Variants in FAM53B observed in about 807,000 individuals in gnomAD.
The protein encoded by FAM53B is family with sequence similarity 53 member B, also known as protein FAM53B.
In FAM53B, 12 loss-of-function variants were observed where a neutral mutation model predicts 32.7. The ratio of observed to expected loss-of-function variants is 0.37; its 90% CI spans 0.24 to 0.59. FAM53B has a LOEUF of 0.59. FAM53B is among the 20% of genes least tolerant of loss of function. The pLI, the probability that FAM53B is intolerant of heterozygous loss-of-function variation, is 0.72. For synonymous variants in FAM53B, 234 were observed against 228.7 expected, an observed-to-expected ratio of 1.02 and a Z score of -0.21; for missense variants, 477 against 577.7, an observed-to-expected ratio of 0.83 and a Z score of 1.79.
At chr10:124,685,539 C>A (rs1435885701) in intron 3 of FAM53B, among the ~76,000 whole-genome samples, 1 of 152,258 alleles carries the variant, frequency 6.6e-6, no homozygotes, top group African/African-American at 2.4e-5. Context: ...GGGCTTGGCA[C>A]AGAGCAGCGA....
At chr10:124,678,831 CCA>C (rs1395925826) in intron 4 of FAM53B, among the ~76,000 whole-genome samples, 2 of 152,288 alleles carry the variant, frequency 1.3e-5, no homozygotes, top group African/African-American at 4.8e-5. Flanking sequence ...CTCCAGCTAA[CCA>C]CAGTCTATCT....
rs1286807928 is a variant in FAM53B at position 124,681,597 on chromosome 10, G to C, written c.906+10C>G. On this transcript the variant is annotated intron_variant, in intron 4 of 4. Coordinates refer to ENST00000337318, the MANE Select transcript of FAM53B (RefSeq NM_014661.4). ...GCACCAAGGTGACTCCAGGCTGCTGGGGCTCTTACCTGTGCCATCTTGGCA... is the reference window on the plus strand; with the variant it reads ...GCACCAAGGTGACTCCAGGCTGCTGCGGCTCTTACCTGTGCCATCTTGGCA... 1 of 1,572,354 alleles carries C rather than the reference G, an allele frequency of 6.4e-7. No individual in the cohort carries two copies. The highest frequency in any genetic ancestry group is 8.7e-7 in the Non-Finnish European group (1 of 1,154,780).
At chr10:124,669,926 TTACA>T in intron 4 of FAM53B, among the ~76,000 whole-genome samples, 1 of 6,752 alleles carries the variant, frequency 1.5e-4, no homozygotes, top group Non-Finnish European at 7.8e-4. Context: ...TGGGTGAGGA[TTACA>T]GGGTGGGTGA....
intron 1 of FAM53B, among the ~76,000 whole-genome samples, chr10:124,737,071 CCT>C (rs1425947113): frequency 1.3e-5 from 2 of 152,194 alleles, no homozygotes; most frequent in Non-Finnish European, 2.9e-5. Flanking sequence ...CGGGCTAGTC[CCT>C]GAGCCACAGG....
chr10:124,699,466 G>A (rs751075647), intron 2 of FAM53B, among the ~76,000 whole-genome samples: 1 of 152,206 alleles, frequency 6.6e-6, no homozygotes, highest in African/African-American at 2.4e-5. Context: ...TCCTCATGCC[G>A]GTCTCCAACA....
At position 124,621,416 on chromosome 10, in the gene FAM53B, C is replaced by T. The variant is rs1949309916; in HGVS notation, c.*1826G>A. 6.6e-6 allele frequency: 1 copy of T among 152,264 alleles called. No homozygotes were observed. Among genetic ancestry groups the T allele is most frequent in the African/African-American group, 2.4e-5 (1 of 41,470 alleles). 9.4% of individuals were successfully genotyped at this position (152,264 alleles called of 1,614,324 possible). A position where few individuals can be genotyped will look rare whatever the true frequency, so the allele number is the denominator to read the frequency against. On this transcript the variant is annotated 3_prime_UTR_variant, in exon 5 of 5. Transcript: ENST00000337318. ...GCTCTTGGGTTCGGCTGTCCGGGAT[C>T]ACAAGTAGACATGCCTCCGGCAGGA...
chr10:124,698,924 C>T (rs944147066), intron 2 of FAM53B, among the ~76,000 whole-genome samples: 1 of 152,224 alleles, frequency 6.6e-6, no homozygotes, highest in African/African-American at 2.4e-5. Context: ...ACCTGAGTAC[C>T]CCCAACCTTG....
rs1949554664 is a variant in FAM53B, at chr10:124,651,393, G to C, written c.907-27789C>G. Among the ~76,000 whole-genome samples, 1 of 152,222 alleles carries C rather than the reference G, an allele frequency of 6.6e-6. No homozygotes were observed. Among genetic ancestry groups the C allele is most frequent in the Non-Finnish European group, 1.5e-5 (1 of 68,036 alleles). ...CCTGGCATCCTCCTGAGCCTGCTCTGCTCTGTCCTCCCAGCTACACAGGAC... is the reference window on the plus strand; with the variant it reads ...CCTGGCATCCTCCTGAGCCTGCTCTCCTCTGTCCTCCCAGCTACACAGGAC... On this transcript the variant is annotated intron_variant, in intron 4 of 4. Transcript: ENST00000337318. The surrounding 1 kb of genome is among the most constrained non-coding windows in gnomAD (Gnocchi z 5.2).
At chr10:124,653,378 T>A (rs1321885035) in intron 4 of FAM53B, among the ~76,000 whole-genome samples, 1 of 152,188 alleles carries the variant, frequency 6.6e-6, no homozygotes. Context: ...CCAGAAGGGC[T>A]CTGGCGTGGG....
At chr10:124,678,441 G>T (rs1779259586) in intron 4 of FAM53B, among the ~76,000 whole-genome samples, 1 of 152,208 alleles carries the variant, frequency 6.6e-6, no homozygotes, top group South Asian at 2.1e-4. Flanking sequence ...TGTGGCGGTG[G>T]TGGCATCTGC....
chr10:124,693,755 C>T (rs1032492771), intron 3 of FAM53B, among the ~76,000 whole-genome samples: 4 of 152,164 alleles, frequency 2.6e-5, no homozygotes, highest in African/African-American at 9.7e-5. Flanking sequence ...GGGTGGTATC[C>T]CCATAGCTCA....
At chr10:124,740,859 G>A (rs1950195477) in intron 1 of FAM53B, among the ~76,000 whole-genome samples, 1 of 152,200 alleles carries the variant, frequency 6.6e-6, no homozygotes, top group Non-Finnish European at 1.5e-5. Flanking sequence ...GAGGCAAGGA[G>A]GAGGAGAGTC....
chr10:124,625,689 T>G (rs965779203), intron 4 of FAM53B, among the ~76,000 whole-genome samples: 3 of 152,144 alleles, frequency 2.0e-5, no homozygotes, highest in Non-Finnish European at 4.4e-5. Context: ...TCTCTGAGGC[T>G]CCTCCTGCTT....
At chr10:124,735,759 A>G (rs542874727) in intron 1 of FAM53B, among the ~76,000 whole-genome samples, 1 of 143,228 alleles carries the variant, frequency 7.0e-6, no homozygotes, top group East Asian at 2.1e-4. Context: ...GGTCTCACTC[A>G]GGGCCCCGAA....
intron 3 of FAM53B, among the ~76,000 whole-genome samples, chr10:124,687,839 A>C (rs896153940): frequency 2.0e-5 from 3 of 152,242 alleles, no homozygotes; most frequent in African/African-American, 7.2e-5. Flanking sequence ...GATGACATGG[A>C]GAACTGAGTT....
In FAM53B at chr10:124,669,400, C is replaced by T. The variant is rs566520479; in HGVS notation, c.906+12207G>A. ...CTGGCCACAGAGCCTCTCTCTGAGC[C>T]CCGTGCCCGGCTTTACCAGCCTGCT... On this transcript the variant is annotated intron_variant, in intron 4 of 4. Coordinates refer to ENST00000337318, the MANE Select transcript of FAM53B (RefSeq NM_014661.4). 7.6e-4 allele frequency among the ~76,000 whole-genome samples: 115 copies of T among 152,300 alleles called. 1 individual carries two copies. The highest frequency in any genetic ancestry group is 6.8e-3 in the South Asian group (33 of 4,822).
intron 4 of FAM53B, among the ~76,000 whole-genome samples, chr10:124,642,527 CT>C (rs1949483591): frequency 6.6e-6 from 1 of 152,240 alleles, no homozygotes; most frequent in African/African-American, 2.4e-5. Context: ...CAGATGGGTG[CT>C]CAGGCTGGCT....
chr10:124,642,172 C>T (rs538586241), intron 4 of FAM53B, among the ~76,000 whole-genome samples: 2 of 152,332 alleles, frequency 1.3e-5, no homozygotes, highest in East Asian at 1.9e-4. Flanking sequence ...GACCACAGGG[C>T]GGCCACTTCT....
chr10:124,694,611 C>CCG (rs1475961559), intron 3 of FAM53B, among the ~76,000 whole-genome samples: 1 of 152,240 alleles, frequency 6.6e-6, no homozygotes, highest in Non-Finnish European at 1.5e-5. Context: ...GCTGGGCATG[C>CCG]CGGGGCCTCT....
Sources: gnomAD v4.1 joint callset for allele counts (sites outside exome capture counted in the v4.1 genomes callset) on GRCh38, gnomAD v4.1.1 for gene constraint, Gnocchi (gnomAD v3.1) non-coding constraint, MANE v1.5 for transcripts, NCBI Gene and HGNC (gene_info 2026-07-23, HGNC 2026-07-21) for gene names.